The following SNTG1 variants were observed in gnomAD, a reference collection of about 807,000 sequenced individuals.
SNTG1 encodes syntrophin gamma 1.
Under a neutral mutation model 74.7 loss-of-function variants are expected in SNTG1, and 39 were observed. That is an observed-to-expected ratio of 0.52 (90% CI 0.40 to 0.68). SNTG1 has a LOEUF of 0.68. SNTG1 is among the 30% of genes least tolerant of loss of function. SNTG1 has a pLI of 0.00. For synonymous variants in SNTG1, 254 were observed against 217.1 expected, an observed-to-expected ratio of 1.17 and a Z score of -1.49; for missense variants, 685 against 609.5, an observed-to-expected ratio of 1.12 and a Z score of -1.30.
chr8:50,190,647 G>A (rs1326903328), intron 2 of SNTG1, among the ~76,000 whole-genome samples: 2 of 152,038 alleles, frequency 1.3e-5, no homozygotes, highest in African/African-American at 2.4e-5. Flanking sequence ...TTTTTTAAGT[G>A]TTTGCTAGTG....
At chr8:50,215,123 C>T (rs1252635485) in intron 2 of SNTG1, among the ~76,000 whole-genome samples, 1 of 152,108 alleles carries the variant, frequency 6.6e-6, no homozygotes, top group Non-Finnish European at 1.5e-5. Context: ...GAAGATCATT[C>T]TCCTGGGGCC....
intron 12 of SNTG1, among the ~76,000 whole-genome samples, chr8:50,556,887 A>G (rs563186344): frequency 1.4e-4 from 21 of 152,262 alleles, no homozygotes; most frequent in African/African-American, 5.1e-4. Context: ...TTAGAAATCC[A>G]GTACATTCTA....
chr8:50,772,859 G>C (rs2095630715), intron 18 of SNTG1, among the ~76,000 whole-genome samples: 1 of 152,062 alleles, frequency 6.6e-6, no homozygotes, highest in Non-Finnish European at 1.5e-5. Context: ...GGAGTGGTTT[G>C]TTAAAAAGAG....
chr8:50,185,344 C>T (rs1313391528), intron 2 of SNTG1, among the ~76,000 whole-genome samples: 1 of 152,208 alleles, frequency 6.6e-6, no homozygotes, highest in East Asian at 1.9e-4. Flanking sequence ...CCTGAGGCTT[C>T]CGCAGCCATA....
chr8:50,359,870 CTT>C (rs1420355508), intron 2 of SNTG1, among the ~76,000 whole-genome samples: 1 of 152,096 alleles, frequency 6.6e-6, no homozygotes. Context: ...TTTCCATTCT[CTT>C]TTTATTTTTT....
At chr8:50,584,512 CTT>C (rs34546157) in intron 12 of SNTG1, among the ~76,000 whole-genome samples, 24,881 of 126,492 alleles carry the variant, frequency 0.2, 3,569 homozygotes, top group African/African-American at 0.44. Flanking sequence ...TTCTCTGATT[CTT>C]TTTTTTTTTT....
Position 50,484,420 on chromosome 8 carries a change from G to C in SNTG1, c.364-18358G>C, listed in dbSNP as rs971334138. Among the ~76,000 whole-genome samples the C allele has an allele frequency of 5.3e-5, 8 of 151,296 alleles. 1 individual carries two copies. Among genetic ancestry groups the C allele is most frequent in the African/African-American group, 1.9e-4 (8 of 41,208 alleles). Reference sequence around the variant, plus strand: ...AGTAGAGATGGGGTTTCACCATGTTGGTCAGGCTGGTCTCAAACTCATGAC... The same window carrying C: ...AGTAGAGATGGGGTTTCACCATGTTCGTCAGGCTGGTCTCAAACTCATGAC... On this transcript the variant is annotated intron_variant, in intron 8 of 18. Transcript: ENST00000642720.
chr8:50,522,795 C>T (rs310572), intron 9 of SNTG1, among the ~76,000 whole-genome samples: 56,497 of 151,844 alleles, frequency 0.37, 13,250 homozygotes, highest in African/African-American at 0.67. Context: ...GCCAGGATGG[C>T]CTTGATCTCC....
intron 17 of SNTG1, among the ~76,000 whole-genome samples, chr8:50,711,640 G>A (rs1585614810): frequency 2.6e-5 from 4 of 152,104 alleles, no homozygotes; most frequent in Admixed American, 6.5e-5. Flanking sequence ...TGGGAATGTC[G>A]AGCTAATTCT....
intron 1 of SNTG1, among the ~76,000 whole-genome samples, chr8:49,927,857 C>T (rs889958187): frequency 1.3e-5 from 2 of 151,948 alleles, no homozygotes; most frequent in East Asian, 3.9e-4. Context: ...GTGGCTCAAG[C>T]CTGTAATCCC....
At chr8:50,073,649 A>G (rs1464463630) in intron 1 of SNTG1, among the ~76,000 whole-genome samples, 1 of 152,104 alleles carries the variant, frequency 6.6e-6, no homozygotes, top group Non-Finnish European at 1.5e-5. Flanking sequence ...GGAAATTATA[A>G]TACCAGCAAC....
chr8:50,733,624 G>C (rs1014865571), intron 17 of SNTG1, among the ~76,000 whole-genome samples: 9 of 151,720 alleles, frequency 5.9e-5, no homozygotes, highest in African/African-American at 9.7e-5. Flanking sequence ...TAGCCATTTT[G>C]ACAAGTGTGA....
chr8:50,156,343 C>G (rs187725269), intron 1 of SNTG1, among the ~76,000 whole-genome samples: 10 of 151,956 alleles, frequency 6.6e-5, no homozygotes, highest in African/African-American at 2.4e-4. Flanking sequence ...ATTAAAATTA[C>G]GGATCTATAA....
At chr8:50,735,302 T>G (rs2095525443) in intron 17 of SNTG1, among the ~76,000 whole-genome samples, 1 of 151,484 alleles carries the variant, frequency 6.6e-6, no homozygotes, top group African/African-American at 2.4e-5. Context: ...TTTTCTAAAC[T>G]AATATTAGAC....
chr8:50,692,250 G>A (rs1005797731), intron 15 of SNTG1, among the ~76,000 whole-genome samples: 7 of 152,032 alleles, frequency 4.6e-5, no homozygotes, highest in African/African-American at 7.3e-5. Flanking sequence ...CTCTCAACTC[G>A]TCAAAGTCAT....
intron 9 of SNTG1, among the ~76,000 whole-genome samples, chr8:50,512,502 G>T (rs572516996): frequency 1.3e-5 from 2 of 152,292 alleles, no homozygotes; most frequent in South Asian, 2.1e-4. Flanking sequence ...ATAATATCCT[G>T]CAGAGTGTTT....
intron 8 of SNTG1, among the ~76,000 whole-genome samples, chr8:50,470,577 T>C (rs1321265927): frequency 1.3e-5 from 2 of 152,068 alleles, no homozygotes; most frequent in Non-Finnish European, 2.9e-5. Context: ...CCCGGTGGGT[T>C]TGTGGTCTTG....
At chr8:50,499,336 T>C (rs1355464617) in intron 8 of SNTG1, among the ~76,000 whole-genome samples, 2 of 151,814 alleles carry the variant, frequency 1.3e-5, no homozygotes, top group Admixed American at 6.6e-5. Context: ...GAAATTCTGA[T>C]TGTTTATAAA....
chr8:50,764,045 T>A (rs888849948), intron 18 of SNTG1, among the ~76,000 whole-genome samples: 2 of 151,358 alleles, frequency 1.3e-5, no homozygotes, highest in African/African-American at 4.8e-5. Flanking sequence ...ATCAATTGAT[T>A]TTTACAATGG....
Sources: gnomAD v4.1 joint callset for allele counts (sites outside exome capture counted in the v4.1 genomes callset) on GRCh38, gnomAD v4.1.1 for gene constraint, MANE v1.5 for transcripts, NCBI Gene and HGNC (gene_info 2026-07-23, HGNC 2026-07-21) for gene names.